RBFOX2: variants seen among roughly 807,000 people sequenced by gnomAD.
RBFOX2 encodes the protein RNA binding protein fox-1 homolog 2.
Under a neutral mutation model 49.1 loss-of-function variants are expected in RBFOX2, and 10 were observed. That is an observed-to-expected ratio of 0.20 (90% CI 0.13 to 0.35). The LOEUF is 0.35. RBFOX2 is among the 10% of genes least tolerant of loss of function. RBFOX2 has a pLI of 1.00. For synonymous variants in RBFOX2, 183 were observed against 187.4 expected, an observed-to-expected ratio of 0.98 and a Z score of 0.19; for missense variants, 323 against 486.9, an observed-to-expected ratio of 0.66 and a Z score of 3.17.
chr22:35,937,431 T>C (rs1787972277), intron 1 of RBFOX2, among the ~76,000 whole-genome samples: 1 of 152,100 alleles, frequency 6.6e-6, no homozygotes, highest in South Asian at 2.1e-4. Context: ...TAACAACACT[T>C]CTTCTCCCGA....
chr22:35,894,581 G>A (rs557350185), intron 1 of RBFOX2, among the ~76,000 whole-genome samples: 23 of 152,190 alleles, frequency 1.5e-4, no homozygotes, highest in Non-Finnish European at 3.4e-4. Flanking sequence ...ATGGTACTGC[G>A]CAGGGAGTTC....
intron 1 of RBFOX2, among the ~76,000 whole-genome samples, chr22:35,872,914 C>T (rs973707751): frequency 1.3e-5 from 2 of 152,072 alleles, no homozygotes; most frequent in African/African-American, 4.8e-5. Context: ...GGAGTGGAGC[C>T]CTAGCCAGGG....
chr22:35,860,839 T>A (rs2043019297), intron 1 of RBFOX2, among the ~76,000 whole-genome samples: 3 of 152,192 alleles, frequency 2.0e-5, no homozygotes. Context: ...CTCCACTTCA[T>A]TCCACTATTC....
chr22:35,885,379 T>C (rs1319022160), intron 1 of RBFOX2, among the ~76,000 whole-genome samples: 1 of 152,182 alleles, frequency 6.6e-6, no homozygotes, highest in Non-Finnish European at 1.5e-5. Context: ...ATTAAGAATA[T>C]TTTATGTGAA....
intron 1 of RBFOX2, among the ~76,000 whole-genome samples, chr22:35,937,529 T>A (rs1182315535): frequency 9.9e-5 from 15 of 152,180 alleles, no homozygotes; most frequent in Admixed American, 9.8e-4. Flanking sequence ...GGCCTGCAAA[T>A]AGGTGACTAT....
intron 1 of RBFOX2, among the ~76,000 whole-genome samples, chr22:35,977,932 A>C (rs1458705495): frequency 6.6e-6 from 1 of 151,626 alleles, no homozygotes; most frequent in Non-Finnish European, 1.5e-5. Context: ...CAGAGGCCAA[A>C]GATAAGAGTG....
At chr22:35,769,034 C>T (rs1173799743) in intron 4 of RBFOX2, among the ~76,000 whole-genome samples, 1 of 152,184 alleles carries the variant, frequency 6.6e-6, no homozygotes, top group African/African-American at 2.4e-5. Context: ...TCAATTATAA[C>T]TTTTCTTCAA....
chr22:35,843,677 C>G (rs1000210823), upstream of RBFOX2, among the ~76,000 whole-genome samples: 4 of 152,190 alleles, frequency 2.6e-5, no homozygotes, highest in Non-Finnish European at 5.9e-5. Context: ...CCTGTTCACC[C>G]TCTTCTCCAT....
intron 1 of RBFOX2, among the ~76,000 whole-genome samples, chr22:35,948,231 T>G (rs1174055103): frequency 6.6e-6 from 1 of 152,214 alleles, no homozygotes; most frequent in Non-Finnish European, 1.5e-5. Context: ...AGCCCAGGTA[T>G]GACAACGTAT....
At chr22:35,905,215 G>C (rs767603976) in intron 1 of RBFOX2, among the ~76,000 whole-genome samples, 5 of 152,030 alleles carry the variant, frequency 3.3e-5, no homozygotes, top group Admixed American at 6.6e-5. Flanking sequence ...TGGGGAATAA[G>C]TACCAGAGGA....
intron 2 of RBFOX2, among the ~76,000 whole-genome samples, chr22:35,807,928 G>A (rs542347354): frequency 6.6e-6 from 1 of 151,546 alleles, no homozygotes; most frequent in African/African-American, 2.4e-5. Flanking sequence ...AAATTAAAAC[G>A]ATTATATGAA....
chr22:35,815,745 T>C (rs1952899140), intron 1 of RBFOX2, among the ~76,000 whole-genome samples: 1 of 152,240 alleles, frequency 6.6e-6, no homozygotes, highest in Non-Finnish European at 1.5e-5. Flanking sequence ...ATGTCACTAA[T>C]AGTTTTTCTA....
intron 1 of RBFOX2, among the ~76,000 whole-genome samples, chr22:35,866,601 A>G (rs547889130): frequency 3.9e-4 from 60 of 152,312 alleles, no homozygotes; most frequent in African/African-American, 1.4e-3. Context: ...CAAAGGTTGA[A>G]AGAAGCAAGA....
intron 2 of RBFOX2, among the ~76,000 whole-genome samples, chr22:35,795,816 T>C (rs1057435912): frequency 6.6e-6 from 1 of 152,124 alleles, no homozygotes; most frequent in Non-Finnish European, 1.5e-5. Flanking sequence ...CTTTAGAGTA[T>C]AAAATTCCAA....
At chr22:35,942,879 A>G (rs2053853174), upstream of RBFOX2, among the ~76,000 whole-genome samples, 1 of 152,222 alleles carries the variant, frequency 6.6e-6, no homozygotes, top group South Asian at 2.1e-4. Flanking sequence ...AAATTCACAT[A>G]TGACTTAGAA....
intron 1 of RBFOX2, among the ~76,000 whole-genome samples, chr22:35,979,991 A>AT (rs1478766598): frequency 5.3e-5 from 8 of 152,162 alleles, no homozygotes; most frequent in African/African-American, 1.9e-4. Flanking sequence ...CCCTGCCCTC[A>AT]AGGAATTCAG....
chr22:36,014,680 A>C (rs2058965459), intron 1 of RBFOX2, among the ~76,000 whole-genome samples: 1 of 152,188 alleles, frequency 6.6e-6, no homozygotes, highest in African/African-American at 2.4e-5. Flanking sequence ...TTATTGAAAA[A>C]AAGCAAAGCC....
chr22:35,936,847 A>G (rs748670763), intron 1 of RBFOX2, among the ~76,000 whole-genome samples: 14 of 152,236 alleles, frequency 9.2e-5, no homozygotes, highest in Admixed American at 2.6e-4. Flanking sequence ...AATCCCCACA[A>G]GAAGAATACA....
chr22:35,900,955 C>T (rs1302251505), intron 1 of RBFOX2, among the ~76,000 whole-genome samples: 1 of 152,186 alleles, frequency 6.6e-6, no homozygotes, highest in East Asian at 1.9e-4. Flanking sequence ...TGTAAACCAC[C>T]CTGGAAGACA....
Sources: allele counts gnomAD v4.1 joint callset (sites outside exome capture counted in the v4.1 genomes callset), GRCh38; gene constraint gnomAD v4.1.1; transcripts MANE v1.5; gene names NCBI Gene and HGNC (gene_info 2026-07-23, HGNC 2026-07-21).